Variants in PLCG1 observed in about 807,000 individuals in gnomAD.
PLCG1 encodes phospholipase C gamma 1.
A neutral mutation model predicts 177.8 loss-of-function variants in PLCG1; 71 were observed. The ratio of observed to expected loss-of-function variants is 0.40; its 90% confidence interval spans 0.33 to 0.49. The LOEUF is 0.49. Among genes scored for constraint, PLCG1 ranks in the 20% least tolerant of loss-of-function variants. The pLI is 0.72. For missense variants in PLCG1, 1,281 were observed against 1,709.0 expected, an observed-to-expected ratio of 0.75 and a Z score of 4.42; for synonymous variants, 658 against 647.9, an observed-to-expected ratio of 1.02 and a Z score of -0.24.
rs1289496420 is a variant in PLCG1 at position 41,161,912 on chromosome 20, C to T, written c.513-540C>T. 3.3e-5 allele frequency among the ~76,000 whole-genome samples: 5 copies of T among 152,254 alleles called. No homozygotes were observed. In the East Asian group the frequency reaches 9.6e-4, roughly 29 times the overall value. ...TCTAGCCCCAGGAGGTGCCCAGTTG[C>T]CAGTCATTGTATTTGGTGGAGCATG... On this transcript the variant is annotated intron_variant, in intron 4 of 31. Transcript: ENST00000685551.
Position 41,164,062 on chromosome 20 carries a change from T to G in PLCG1, c.1097-19T>G. On this transcript the variant is annotated intron_variant, in intron 11 of 31. Coordinates refer to ENST00000685551, the MANE Select transcript of PLCG1 (RefSeq NM_002660.3). This position sits in a 1 kb window ranked among gnomAD's most constrained non-coding sequence, Gnocchi z 6.4. ...GATGGGAGGCCTGCCCGCTTGACCA[T>G]GGTGATGTTGCTCCCCAGTGGACTG... 6.2e-7 allele frequency: 1 copy of G among 1,614,106 alleles called. No homozygotes were observed. The highest frequency in any genetic ancestry group is 8.5e-7 in the Non-Finnish European group (1 of 1,180,010).
chr20:41,165,288 C>A lies in PLCG1; in HGVS notation c.1430C>A (p.Thr477Lys). The change falls in exon 14 of 32, where the codon ACA becomes AAA. Residue 477 changes from threonine (T) to lysine (K), a missense_variant. This residue lies in a region of PLCG1 where 723 missense variants were observed against 1,030.0 expected (regional missense o/e 0.70). Transcript: ENST00000685551. The surrounding 1 kb of genome is among the most constrained non-coding windows in gnomAD (Gnocchi z 6.6). Reference protein sequence around the residue: ...AEGSAYEEVPTSMMYSENDIS... With the variant: ...AEGSAYEEVPKSMMYSENDIS... The stretch of plus-strand genomic sequence containing the variant: ...GGCAGTGCCTACGAGGAGGTGCCTA[C>A]ATCCATGATGTACTCTGAGAACGAC... 1 of 1,614,150 alleles carries A rather than the reference C, an allele frequency of 6.2e-7. No homozygotes were observed. Among genetic ancestry groups the A allele is most frequent in the Non-Finnish European group, 8.5e-7 (1 of 1,180,000 alleles).
chr20:41,137,990 G>A lies in PLCG1; in HGVS notation c.217+132G>A. 3.6e-6 allele frequency: 2 copies of A among 555,704 alleles called. No individual in the cohort carries two copies. Among genetic ancestry groups the A allele is most frequent in the Non-Finnish European group, 2.7e-6 (1 of 369,090 alleles). The allele number at this position is 555,704 out of a possible 1,614,324, so 34.4% of individuals were successfully genotyped here. ...TCGGGCCCTCCCAGACTCCCTCCGGGCCCCGCCCCCGCTTCGTCTCGGGTG... is the reference window on the plus strand; with the variant it reads ...TCGGGCCCTCCCAGACTCCCTCCGGACCCCGCCCCCGCTTCGTCTCGGGTG... On this transcript the variant is annotated intron_variant, in intron 1 of 31. Coordinates refer to ENST00000685551, the MANE Select transcript of PLCG1 (RefSeq NM_002660.3). This position sits in a 1 kb window ranked among gnomAD's most constrained non-coding sequence, Gnocchi z 7.3.
At position 41,147,704 on chromosome 20, in the gene PLCG1, C is replaced by G. The variant is rs1381280543; in HGVS notation, c.217+9846C>G. Among the ~76,000 whole-genome samples, 1 of 152,166 alleles carries G rather than the reference C, an allele frequency of 6.6e-6. No homozygotes were observed. Among genetic ancestry groups the G allele is most frequent in the Non-Finnish European group, 1.5e-5 (1 of 68,038 alleles). On this transcript the variant is annotated intron_variant, in intron 1 of 31. Coordinates refer to ENST00000685551, the MANE Select transcript of PLCG1 (RefSeq NM_002660.3). This position sits in a 1 kb window ranked among gnomAD's most constrained non-coding sequence, Gnocchi z 4.0. ...TCTCTACTAAAAATACAAAAATTAA[C>G]CAGGCGTGGTGTCAGGCGCCTGTAA...
At position 41,175,067 on chromosome 20, in the gene PLCG1, A is replaced by G. The variant is rs2036020351; in HGVS notation, c.*558A>G. 1 of 154,988 alleles carries G rather than the reference A, an allele frequency of 6.5e-6. No individual in the cohort carries two copies. The highest frequency in any genetic ancestry group is 2.4e-5 in the African/African-American group (1 of 41,466). The allele number at this position is 154,988 out of a possible 1,614,324, so 9.6% of individuals were successfully genotyped here. On this transcript the variant is annotated 3_prime_UTR_variant, in exon 32 of 32. Coordinates refer to ENST00000685551, the MANE Select transcript of PLCG1 (RefSeq NM_002660.3). ...TTCTGCCCTGCCTGAGGAGGAGGACACAGCACAAGGGCACATTGCCCATGG... is the reference window on the plus strand; with the variant it reads ...TTCTGCCCTGCCTGAGGAGGAGGACGCAGCACAAGGGCACATTGCCCATGG...
At chr20:41,169,253 A>T in intron 22 of PLCG1, 78 bp downstream of exon 22, 1 of 1,127,112 alleles carries the variant, frequency 8.9e-7, no homozygotes, top group Non-Finnish European at 1.3e-6. Context: ...CACAGTCCCA[A>T]GCACGCACGT....
intron 24 of PLCG1, among the ~76,000 whole-genome samples, chr20:41,171,120 A>G (rs970129521): frequency 1.3e-5 from 2 of 152,196 alleles, no homozygotes; most frequent in African/African-American, 4.8e-5. Flanking sequence ...CCTTTCACCA[A>G]GTGCATTTGG....
intron 1 of PLCG1, among the ~76,000 whole-genome samples, chr20:41,145,443 G>T (rs1011926469): frequency 2.6e-5 from 4 of 152,188 alleles, no homozygotes; most frequent in Admixed American, 2.0e-4. Context: ...AGGTATATTT[G>T]TGTGGCCCTT....
At position 41,163,048 on chromosome 20, in the gene PLCG1, T is replaced by C. The variant is rs2035564741; in HGVS notation, c.716+56T>C. 1.9e-6 allele frequency: 3 copies of C among 1,569,620 alleles called. No homozygotes were observed. In the Admixed American group the frequency reaches 5.0e-5, roughly 26 times the overall value. ...CCCTGGGCCCCCTTCATCTCTCCAC[T>C]GGGCGATTCTTGATCCAGGTGGGAG... is the stretch of plus-strand genomic sequence containing the variant. On this transcript the variant is annotated intron_variant, in intron 7 of 31. Transcript: ENST00000685551. This position sits in a 1 kb window ranked among gnomAD's most constrained non-coding sequence, Gnocchi z 5.2.
In PLCG1 at chr20:41,163,443, A is replaced by G; in HGVS notation, c.855A>G (p.Leu285=). The change falls in exon 9 of 32, where the codon TTA becomes TTG. Residue 285 remains leucine (L), a synonymous_variant. Transcript: ENST00000685551. The surrounding 1 kb of genome is among the most constrained non-coding windows in gnomAD (Gnocchi z 5.2). ...EFMLSFLRDP[L]REIEEPYFFL... is the part of the protein sequence containing the mutation. ...TGCTCAGCTTCCTCCGAGACCCCTTACGAGAGATCGAGGAGCCATACTTCT... is the reference window on the plus strand; with the variant it reads ...TGCTCAGCTTCCTCCGAGACCCCTTGCGAGAGATCGAGGAGCCATACTTCT... The G allele has an allele frequency of 6.2e-7, 1 of 1,612,514 alleles. No individual in the cohort carries two copies. The highest frequency in any genetic ancestry group is 1.7e-5 in the Admixed American group (1 of 59,996).
At position 41,153,878 on chromosome 20, in the gene PLCG1, A is replaced by G. The variant is rs1178313037; in HGVS notation, c.218-5728A>G. Among the ~76,000 whole-genome samples the G allele has an allele frequency of 1.3e-5, 2 of 152,246 alleles. No homozygotes were observed. The highest frequency in any genetic ancestry group is 2.9e-5 in the Non-Finnish European group (2 of 68,048). On this transcript the variant is annotated intron_variant, in intron 1 of 31. Coordinates refer to ENST00000685551, the MANE Select transcript of PLCG1 (RefSeq NM_002660.3). This position sits in a 1 kb window ranked among gnomAD's most constrained non-coding sequence, Gnocchi z 5.1. ...ACCACTGCACTCCAGCCTGGGCAAC[A>G]GAGCGAGACACCCAGACCCAGAGAA...
Position 41,174,553 on chromosome 20 carries a change from T to C in PLCG1, c.*44T>C, listed in dbSNP as rs1485556707. The C allele has an allele frequency of 6.5e-7, 1 of 1,543,216 alleles. No homozygotes were observed. The highest frequency in any genetic ancestry group is 8.8e-7 in the Non-Finnish European group (1 of 1,135,492). On this transcript the variant is annotated 3_prime_UTR_variant, in exon 32 of 32. Transcript: ENST00000685551. The surrounding 1 kb of genome is among the most constrained non-coding windows in gnomAD (Gnocchi z 5.8). ...GGAGAGCAGCAGGTGCTGTGCGCCTTGTAGAATGCCGCGAACTGGGTTCTT... is the reference window on the plus strand; with the variant it reads ...GGAGAGCAGCAGGTGCTGTGCGCCTCGTAGAATGCCGCGAACTGGGTTCTT...
Position 41,160,255 on chromosome 20 carries a change from G to C in PLCG1, c.512+102G>C. The C allele has an allele frequency of 3.7e-6, 4 of 1,086,300 alleles. No individual in the cohort carries two copies. In the South Asian group the frequency reaches 5.0e-5, roughly 14 times the overall value. 67.3% of individuals were successfully genotyped at this position (1,086,300 alleles called of 1,614,324 possible). A position where few individuals can be genotyped will look rare whatever the true frequency, so the allele number is the denominator to read the frequency against. On this transcript the variant is annotated intron_variant, in intron 4 of 31. Coordinates refer to ENST00000685551, the MANE Select transcript of PLCG1 (RefSeq NM_002660.3). The surrounding 1 kb of genome is among the most constrained non-coding windows in gnomAD (Gnocchi z 5.5). ...TGCCCGGAGAGCCAGAGGACCCAGG[G>C]GACCTTAAGTGGGGCCAGGAGGGTG...
chr20:41,165,546 A>C lies in PLCG1; in HGVS notation c.1606A>C (p.Lys536Gln). 6.2e-7 allele frequency: 1 copy of C among 1,613,840 alleles called. No homozygotes were observed. The highest frequency in any genetic ancestry group is 8.5e-7 in the Non-Finnish European group (1 of 1,179,734). ...DQGNEDEEEP[K>Q]EVSSSTELHS... ...GGGCAACGAGGATGAGGAGGAGCCC[A>C]AGGAGGTGAGGAACCAGCTCAGGTC... is the stretch of plus-strand genomic sequence containing the variant. The change falls in exon 15 of 32, where the codon AAG becomes CAG. Residue 536 changes from lysine to glutamine, a missense_variant. Lys to Gln is a moderately conservative substitution (Grantham distance 53). This residue lies in a region of PLCG1 where 723 missense variants were observed against 1,030.0 expected (regional missense o/e 0.70). Transcript: ENST00000685551. The surrounding 1 kb of genome is among the most constrained non-coding windows in gnomAD (Gnocchi z 6.6).
In PLCG1 at chr20:41,162,653, G is replaced by C; in HGVS notation, c.609G>C (p.Gln203His). The C allele has an allele frequency of 6.2e-7, 1 of 1,613,982 alleles. No individual in the cohort carries two copies. The highest frequency in any genetic ancestry group is 8.5e-7 in the Non-Finnish European group (1 of 1,179,914). ...FLRERLTDLE[Q>H]RSGDITYGQF... ...TCTATACCATGCAGGACCTGGAGCA[G>C]CGCAGCGGGGACATCACCTACGGGC... is the stretch of plus-strand genomic sequence containing the variant. The change falls in exon 6 of 32, where the codon CAG becomes CAC. Residue 203 changes from glutamine (Q) to histidine (H), a missense_variant. Gln to His is a conservative substitution (Grantham distance 24, BLOSUM62 0). Coordinates refer to ENST00000685551, the MANE Select transcript of PLCG1 (RefSeq NM_002660.3).
chr20:41,175,990 G>A lies in PLCG1; in HGVS notation c.*1481G>A, dbSNP rs1303931238. 6.6e-6 allele frequency: 1 copy of A among 152,154 alleles called. No individual in the cohort carries two copies. Among genetic ancestry groups the A allele is most frequent in the African/African-American group, 2.4e-5 (1 of 41,416 alleles). The allele number at this position is 152,154 out of a possible 1,614,324, so 9.4% of individuals were successfully genotyped here. A position where few individuals can be genotyped will look rare whatever the true frequency, so the allele number is the denominator to read the frequency against. On this transcript the variant is annotated 3_prime_UTR_variant, in exon 32 of 32. Coordinates refer to ENST00000685551, the MANE Select transcript of PLCG1 (RefSeq NM_002660.3). ...GGCCAGCCAGTTTTGGTGGTGAGCT[G>A]GAAACAACCAGAGCCCCTTTCCAGT...
At position 41,174,877 on chromosome 20, in the gene PLCG1, T is replaced by C; in HGVS notation, c.*368T>C. 4.3e-6 allele frequency: 1 copy of C among 233,490 alleles called. No homozygotes were observed. The highest frequency in any genetic ancestry group is 8.5e-6 in the Non-Finnish European group (1 of 118,152). The allele number at this position is 233,490 out of a possible 1,614,324, so 14.5% of individuals were successfully genotyped here. ...AGGAGACTCCAAGGAGCTACTGACA[T>C]TCCTAAGAGTGGAGGAGGAGGAGGA... On this transcript the variant is annotated 3_prime_UTR_variant, in exon 32 of 32. Transcript: ENST00000685551. The surrounding 1 kb of genome is among the most constrained non-coding windows in gnomAD (Gnocchi z 5.8).
At chr20:41,155,205 G>A (rs1039279884) in intron 1 of PLCG1, among the ~76,000 whole-genome samples, 1 of 152,244 alleles carries the variant, frequency 6.6e-6, no homozygotes. Context: ...GGCCCCAGGT[G>A]CCAGGCAGCA....
rs1170960756 is a variant in PLCG1 at position 41,144,558 on chromosome 20, A to G, written c.217+6700A>G. 6.6e-6 allele frequency among the ~76,000 whole-genome samples: 1 copy of G among 152,192 alleles called. No individual in the cohort carries two copies. The highest frequency in any genetic ancestry group is 2.4e-5 in the African/African-American group (1 of 41,446). On this transcript the variant is annotated intron_variant, in intron 1 of 31. Transcript: ENST00000685551. The surrounding 1 kb of genome is among the most constrained non-coding windows in gnomAD (Gnocchi z 4.1). Reference sequence around the variant, plus strand: ...GCTGATTGGGGGTGGGACACAGAAGAGCCTCACCCTCTTGACTTTCTGGTT... The same window carrying G: ...GCTGATTGGGGGTGGGACACAGAAGGGCCTCACCCTCTTGACTTTCTGGTT...
Sources: allele counts gnomAD v4.1 joint callset (sites outside exome capture counted in the v4.1 genomes callset), GRCh38; gene constraint gnomAD v4.1.1; regional missense constraint gnomAD v4.1.1; non-coding constraint Gnocchi (gnomAD v3.1); transcripts MANE v1.5; gene names NCBI Gene and HGNC (gene_info 2026-07-23, HGNC 2026-07-21).